ATP6V1G1: variants seen among roughly 807,000 people sequenced by gnomAD.
The protein encoded by ATP6V1G1 is ATPase H+ transporting V1 subunit G1.
In ATP6V1G1, 14 loss-of-function variants were observed where a neutral mutation model predicts 14.2. The observed-to-expected ratio is 0.99, with a 90% CI of 0.65 to 1.55. The LOEUF (loss-of-function observed/expected upper bound fraction) is 1.55, where lower values mean the gene tolerates loss of function less well. ATP6V1G1 is among the 40% of genes most tolerant of loss of function. ATP6V1G1 has a pLI of 0.00. For missense variants in ATP6V1G1, 137 were observed against 146.4 expected (o/e 0.94, Z 0.33); for synonymous variants, 65 against 53.3 (o/e 1.22, Z -0.96).
intron 1 of ATP6V1G1, among the ~76,000 whole-genome samples, chr9:114,589,124 C>T (rs1031704420): frequency 6.6e-6 from 1 of 152,238 alleles, no homozygotes; most frequent in Non-Finnish European, 1.5e-5. Context: ...TTAGGAAACA[C>T]TTCTTCCCGG....
chr9:114,596,342 C>T lies in ATP6V1G1; in HGVS notation c.184-1228C>T, dbSNP rs1035806776. 8.0e-5 allele frequency among the ~76,000 whole-genome samples: 12 copies of T among 149,134 alleles called. No homozygotes were observed. In the South Asian group the frequency reaches 2.1e-3, roughly 26 times the overall value. ...GGCGGAGCTTGCAGTGAACGGAGATCGCGCCACTGCACTCCAGCCTGGACG... is the reference window on the plus strand; with the variant it reads ...GGCGGAGCTTGCAGTGAACGGAGATTGCGCCACTGCACTCCAGCCTGGACG... On this transcript the variant is annotated intron_variant, in intron 2 of 2. Coordinates refer to ENST00000374050, the MANE Select transcript of ATP6V1G1 (RefSeq NM_004888.4).
Position 114,597,589 on chromosome 9 carries a change from G to A in ATP6V1G1, c.203G>A (p.Ser68Asn). ...KEAAALGSRG[S>N]CSTEVEKETQ... Reference sequence around the variant, plus strand: ...CTCCAGGCATTGGGATCCCGTGGCAGTTGCAGCACTGAAGTGGAGAAGGAG... The same window carrying A: ...CTCCAGGCATTGGGATCCCGTGGCAATTGCAGCACTGAAGTGGAGAAGGAG... Residue 68 changes from serine (S) to asparagine (N), a missense_variant, in exon 3 of 3, where the codon AGT becomes AAT. Physicochemically the swap from Ser to Asn is conservative, Grantham distance 46. Transcript: ENST00000374050. 4 of 1,516,590 alleles carry A rather than the reference G, an allele frequency of 2.6e-6. No homozygotes were observed. The highest frequency in any genetic ancestry group is 2.6e-6 in the Non-Finnish European group (3 of 1,133,324). The allele number at this position is 1,516,590 out of a possible 1,614,324, so 93.9% of individuals were successfully genotyped here.
Position 114,587,869 on chromosome 9 carries a change from C to T in ATP6V1G1, c.31C>T (p.Leu11=). 6.3e-7 allele frequency: 1 copy of T among 1,594,452 alleles called. No homozygotes were observed. The highest frequency in any genetic ancestry group is 8.5e-7 in the Non-Finnish European group (1 of 1,171,202). The change falls in exon 1 of 3, where the codon CTG becomes TTG. Residue 11 remains leucine (L), a synonymous_variant. Coordinates refer to ENST00000374050, the MANE Select transcript of ATP6V1G1 (RefSeq NM_004888.4). ...TAGTCAGTCTCAGGGGATTCAGCAG[C>T]TGCTGCAGGCCGAGAAGCGGGCAGC... MASQSQGIQQ[L]LQAEKRAAEK...
chr9:114,590,804 A>AT (rs548529910), intron 1 of ATP6V1G1, among the ~76,000 whole-genome samples: 237 of 151,676 alleles, frequency 1.6e-3, no homozygotes, highest in Admixed American at 2.6e-3. Flanking sequence ...TTGTTTATTT[A>AT]TTTTTTTGAG....
intron 2 of ATP6V1G1, among the ~76,000 whole-genome samples, chr9:114,596,274 G>A (rs113388619): frequency 0.073 from 11,076 of 151,880 alleles, 498 homozygotes; most frequent in Middle Eastern, 0.15. Context: ...TGTAGTCCCA[G>A]CTACTCAGGA....
Position 114,597,632 on chromosome 9 carries a change from C to T in ATP6V1G1, c.246C>T (p.Thr82=). The change falls in exon 3 of 3, where the codon ACC becomes ACT. Residue 82 remains threonine (T), a synonymous_variant. Transcript: ENST00000374050. The part of the protein sequence containing the change: ...EVEKETQEKM[T]ILQTYFRQNR... ...AGAAGGAGACCCAGGAGAAGATGAC[C>T]ATCCTCCAGACATACTTCCGGCAGA... 6.3e-7 allele frequency: 1 copy of T among 1,585,588 alleles called. No homozygotes were observed. The highest frequency in any genetic ancestry group is 8.6e-7 in the Non-Finnish European group (1 of 1,167,732).
chr9:114,596,986 CTTTT>C (rs71367785), intron 2 of ATP6V1G1, among the ~76,000 whole-genome samples: 2 of 104,566 alleles, frequency 1.9e-5, no homozygotes, highest in Middle Eastern at 6.3e-3. Context: ...ATAGCAGATT[CTTTT>C]TTTTTTTTTT....
chr9:114,587,838 C>T lies in ATP6V1G1; in HGVS notation c.-1C>T, dbSNP rs1287564015. The T allele has an allele frequency of 8.2e-6, 13 of 1,588,598 alleles. 1 individual carries two copies. In the South Asian group the frequency reaches 9.2e-5, roughly 11 times the overall value. On this transcript the variant is annotated 5_prime_UTR_variant, in exon 1 of 3. Transcript: ENST00000374050. ...GCCTTGCTCTCAGAATCGCTGCCGC[C>T]ATGGCTAGTCAGTCTCAGGGGATTC...
In ATP6V1G1 at chr9:114,597,597, A is replaced by G; in HGVS notation, c.211A>G (p.Thr71Ala). The change falls in exon 3 of 3, where the codon ACT becomes GCT. Residue 71 changes from threonine to alanine, a missense_variant. Thr to Ala is a moderately conservative substitution (Grantham distance 58). Transcript: ENST00000374050. ...AALGSRGSCS[T>A]EVEKETQEKM... is the part of the protein sequence containing the mutation. ...ATTGGGATCCCGTGGCAGTTGCAGC[A>G]CTGAAGTGGAGAAGGAGACCCAGGA... The G allele has an allele frequency of 1.3e-6, 2 of 1,539,960 alleles. No individual in the cohort carries two copies. The highest frequency in any genetic ancestry group is 1.7e-6 in the Non-Finnish European group (2 of 1,145,352).
At chr9:114,594,065 ATTT>A (rs57752605) in intron 2 of ATP6V1G1, among the ~76,000 whole-genome samples, 2 of 135,324 alleles carry the variant, frequency 1.5e-5, no homozygotes, top group African/African-American at 2.7e-5. Flanking sequence ...CATCATCTTC[ATTT>A]TTTTTTTTTT....
chr9:114,590,587 A>C (rs1471452761), intron 1 of ATP6V1G1, among the ~76,000 whole-genome samples: 1 of 151,530 alleles, frequency 6.6e-6, no homozygotes, highest in Admixed American at 6.6e-5. Flanking sequence ...TGCCTGTCTC[A>C]GAATTGTTAA....
At chr9:114,588,367 A>G (rs1425396137) in intron 1 of ATP6V1G1, among the ~76,000 whole-genome samples, 3 of 151,066 alleles carry the variant, frequency 2.0e-5, no homozygotes, top group Admixed American at 1.3e-4. Context: ...TTTTTCCCCC[A>G]TGTCTACTAC....
At position 114,597,861 on chromosome 9, in the gene ATP6V1G1, T is replaced by C; in HGVS notation, c.*118T>C. On this transcript the variant is annotated 3_prime_UTR_variant, in exon 3 of 3. Transcript: ENST00000374050. ...CATTAAATTATTTCCATATATTATA[T>C]AATAGGTCCTTCCACTTTTTGGAGA... 4.2e-6 allele frequency: 4 copies of C among 949,358 alleles called. 1 individual carries two copies. In the South Asian group the frequency reaches 1.9e-4, roughly 44 times the overall value. 58.8% of individuals were successfully genotyped at this position (949,358 alleles called of 1,614,324 possible).
chr9:114,594,836 T>C (rs1227233854), intron 2 of ATP6V1G1, among the ~76,000 whole-genome samples: 1 of 150,302 alleles, frequency 6.7e-6, no homozygotes, highest in Non-Finnish European at 1.5e-5. Context: ...TGATTCCTTT[T>C]TTCTTTCTTT....
chr9:114,597,121 G>T (rs1253588537), intron 2 of ATP6V1G1, among the ~76,000 whole-genome samples: 3 of 150,772 alleles, frequency 2.0e-5, no homozygotes, highest in Admixed American at 1.3e-4. Context: ...CTCCCGAGTA[G>T]CTGGGACTAC....
intron 2 of ATP6V1G1, among the ~76,000 whole-genome samples, chr9:114,594,194 C>T (rs559201852): frequency 8.6e-5 from 13 of 151,874 alleles, no homozygotes; most frequent in South Asian, 4.2e-4. Flanking sequence ...CTCAACCTCC[C>T]GAGTAGCTGA....
chr9:114,588,175 G>A, intron 1 of ATP6V1G1: 1 of 525,448 alleles, frequency 1.9e-6, no homozygotes, highest in Non-Finnish European at 3.4e-6. Flanking sequence ...GGAGGCATGT[G>A]AAATGGGCTC....
intron 1 of ATP6V1G1, among the ~76,000 whole-genome samples, chr9:114,588,959 C>T (rs1845157124): frequency 6.6e-6 from 1 of 152,186 alleles, no homozygotes. Context: ...CTGGTGCTTT[C>T]CTCCAGCTAT....
chr9:114,589,276 G>C (rs1200288723), intron 1 of ATP6V1G1, among the ~76,000 whole-genome samples: 1 of 152,150 alleles, frequency 6.6e-6, no homozygotes. Context: ...CAGAAACTAT[G>C]TCTCATTTAA....
Sources: allele counts gnomAD v4.1 joint callset (sites outside exome capture counted in the v4.1 genomes callset), GRCh38; gene constraint gnomAD v4.1.1; transcripts MANE v1.5; gene names NCBI Gene and HGNC (gene_info 2026-07-23, HGNC 2026-07-21).